Variants in PAM observed in about 807,000 individuals in gnomAD.
PAM encodes the protein peptidylglycine alpha-amidating monooxygenase, also known as peptidyl-glycine alpha-amidating monooxygenase.
Under a neutral mutation model 122.1 loss-of-function variants are expected in PAM, and 72 were observed. The ratio of observed to expected loss-of-function variants is 0.59; its 90% confidence interval spans 0.49 to 0.72. PAM has a LOEUF of 0.72. Ranked by LOEUF, PAM falls within the 30% of genes least tolerant of loss-of-function variation. PAM has a pLI of 0.00. For missense variants in PAM, 1,106 were observed against 1,183.7 expected, an observed-to-expected ratio of 0.93 and a Z score of 0.96; for synonymous variants, 389 against 404.4, an observed-to-expected ratio of 0.96 and a Z score of 0.46.
At chr5:102,778,771 G>A (rs1757837286) in intron 1 of PAM, among the ~76,000 whole-genome samples, 1 of 152,110 alleles carries the variant, frequency 6.6e-6, no homozygotes, top group Non-Finnish European at 1.5e-5. Context: ...TTTTCTGGTG[G>A]GTTGGTGATG....
intron 1 of PAM, among the ~76,000 whole-genome samples, chr5:102,795,911 C>T (rs1763268750): frequency 6.6e-6 from 1 of 152,136 alleles, no homozygotes; most frequent in South Asian, 2.1e-4. Flanking sequence ...TCCATTTTGT[C>T]AGACACATTT....
chr5:102,934,052 G>C (rs530660956), intron 7 of PAM, among the ~76,000 whole-genome samples: 1 of 152,142 alleles, frequency 6.6e-6, no homozygotes, highest in Non-Finnish European at 1.5e-5. Flanking sequence ...ACTCCGCTGC[G>C]AAGTGCACAA....
chr5:102,851,322 T>C (rs1781313806), intron 1 of PAM, among the ~76,000 whole-genome samples: 1 of 152,194 alleles, frequency 6.6e-6, no homozygotes, highest in Admixed American at 6.5e-5. Context: ...GGTATCTCAT[T>C]TGGTATATCC....
chr5:102,772,615 TGTC>T (rs1756110623), intron 1 of PAM, among the ~76,000 whole-genome samples: 1 of 152,156 alleles, frequency 6.6e-6, no homozygotes, highest in Non-Finnish European at 1.5e-5. Flanking sequence ...TAATTATACT[TGTC>T]GTAGTATTAC....
At chr5:102,898,694 A>C (rs1464590800) in intron 3 of PAM, among the ~76,000 whole-genome samples, 2 of 151,438 alleles carry the variant, frequency 1.3e-5, no homozygotes, top group East Asian at 3.9e-4. Flanking sequence ...CTTCCTGTTA[A>C]ATTTTATGTT....
Position 103,003,072 on chromosome 5 carries a change from C to A in PAM, c.1653C>A (p.Leu551=). 6.2e-7 allele frequency: 1 copy of A among 1,606,164 alleles called. No homozygotes were observed. The highest frequency in any genetic ancestry group is 8.5e-7 in the Non-Finnish European group (1 of 1,173,084). The change falls in exon 17 of 26, where the codon CTC becomes CTA. Residue 551 remains leucine, a synonymous_variant. Transcript: ENST00000438793. The stretch of plus-strand genomic sequence containing the variant: ...AGTTTGTTTACCAGCAAATAGGACT[C>A]GGACCAATTGAAGAAGACACTATTC... ...DSKFVYQQIG[L]GPIEEDTILV...
At chr5:102,798,967 A>C (rs1293568543) in intron 1 of PAM, among the ~76,000 whole-genome samples, 1 of 152,220 alleles carries the variant, frequency 6.6e-6, no homozygotes, top group East Asian at 1.9e-4. Context: ...AATTCCTGTA[A>C]ATTAATGTAT....
At chr5:102,941,013 T>G (rs1185968257) in intron 7 of PAM, among the ~76,000 whole-genome samples, 2 of 152,200 alleles carry the variant, frequency 1.3e-5, no homozygotes, top group Non-Finnish European at 2.9e-5. Context: ...TAATTTTACT[T>G]TCTTAGAAGG....
chr5:103,014,181 G>A (rs1781386275), intron 21 of PAM, among the ~76,000 whole-genome samples: 1 of 152,118 alleles, frequency 6.6e-6, no homozygotes, highest in African/African-American at 2.4e-5. Flanking sequence ...AATGTACTGT[G>A]TCAACCAGGA....
chr5:102,961,559 TA>T (rs571023535), intron 14 of PAM, among the ~76,000 whole-genome samples: 208 of 152,044 alleles, frequency 1.4e-3, no homozygotes, highest in Non-Finnish European at 2.5e-3. Context: ...CTAATAACCT[TA>T]ACCATTTAAA....
chr5:102,929,485 G>A (rs760970057), intron 7 of PAM, among the ~76,000 whole-genome samples: 1 of 152,082 alleles, frequency 6.6e-6, no homozygotes, highest in Non-Finnish European at 1.5e-5. Context: ...ATTTTATTTC[G>A]TGGTTTTAAA....
chr5:102,817,264 T>C (rs1770193722), intron 1 of PAM, among the ~76,000 whole-genome samples: 1 of 152,132 alleles, frequency 6.6e-6, no homozygotes, highest in African/African-American at 2.4e-5. Context: ...CTTACTATTA[T>C]AATTAAAATT....
intron 7 of PAM, among the ~76,000 whole-genome samples, chr5:102,945,266 G>A (rs555999229): frequency 1.3e-5 from 2 of 151,996 alleles, no homozygotes; most frequent in South Asian, 2.1e-4. Flanking sequence ...TGAGCACTTC[G>A]TTGAAAACTG....
chr5:102,894,631 CA>C (rs1219008354), intron 3 of PAM, among the ~76,000 whole-genome samples: 1 of 151,688 alleles, frequency 6.6e-6, no homozygotes, highest in Non-Finnish European at 1.5e-5. Flanking sequence ...GACCTTGACC[CA>C]ACTGCCCCTT....
intron 10 of PAM, 116 bp downstream of exon 10, chr5:102,949,733 A>G (rs901081883): frequency 1.4e-6 from 1 of 721,782 alleles, no homozygotes. Context: ...GATTTCATAT[A>G]AGACCTTGAA....
chr5:102,766,872 G>T (rs1045894765), intron 1 of PAM, among the ~76,000 whole-genome samples: 1 of 113,662 alleles, frequency 8.8e-6, no homozygotes, highest in Non-Finnish European at 1.8e-5. Context: ...ATATTTATTC[G>T]TATAATTTTT....
At chr5:102,788,024 G>A (rs6879433) in intron 1 of PAM, among the ~76,000 whole-genome samples, 4,222 of 152,008 alleles carry the variant, frequency 0.028, 117 homozygotes, top group East Asian at 0.14. Flanking sequence ...ATTCCTCACC[G>A]TAAAAATACT....
intron 14 of PAM, among the ~76,000 whole-genome samples, chr5:102,971,043 G>A (rs1765673529): frequency 6.6e-6 from 1 of 152,188 alleles, no homozygotes; most frequent in South Asian, 2.1e-4. Flanking sequence ...CTGACCTCAA[G>A]TAATCCGCCC....
intron 9 of PAM, among the ~76,000 whole-genome samples, 161 bp downstream of exon 9, chr5:102,948,606 T>G (rs1351383976): frequency 6.6e-6 from 1 of 152,170 alleles, no homozygotes; most frequent in African/African-American, 2.4e-5. Flanking sequence ...TAGATTTTTG[T>G]ATTATTCCAA....
Sources: allele counts gnomAD v4.1 joint callset (sites outside exome capture counted in the v4.1 genomes callset), GRCh38; gene constraint gnomAD v4.1.1; transcripts MANE v1.5; gene names NCBI Gene and HGNC (gene_info 2026-07-23, HGNC 2026-07-21).